The following GPC5 variants were observed in gnomAD, a reference collection of about 807,000 sequenced individuals.
GPC5 encodes glypican-5.
GPC5 carries 47 observed loss-of-function variants against 53.9 expected under a neutral mutation model. That is an observed-to-expected ratio of 0.87 (90% CI 0.69 to 1.11). The LOEUF (loss-of-function observed/expected upper bound fraction) is 1.11, where lower values mean the gene tolerates loss of function less well. Among genes scored for constraint, GPC5 ranks in the 50% most tolerant of loss-of-function variants. The pLI is 0.00. For missense variants in GPC5, 748 were observed against 713.1 expected (o/e 1.05, Z -0.56); for synonymous variants, 286 against 263.3 (o/e 1.09, Z -0.84).
intron 6 of GPC5, among the ~76,000 whole-genome samples, chr13:92,103,404 C>G (rs1420497245): frequency 1.3e-5 from 2 of 152,104 alleles, no homozygotes; most frequent in African/African-American, 4.8e-5. Context: ...TCCATAGAAG[C>G]ATATATACAT....
chr13:91,882,528 T>G (rs1019746227), intron 5 of GPC5, among the ~76,000 whole-genome samples: 2 of 151,912 alleles, frequency 1.3e-5, no homozygotes, highest in African/African-American at 2.4e-5. Context: ...AGTCTTTGAT[T>G]TTTACTTTAT....
chr13:91,602,731 C>T (rs1594316442), intron 2 of GPC5, among the ~76,000 whole-genome samples: 1 of 152,066 alleles, frequency 6.6e-6, no homozygotes, highest in East Asian at 1.9e-4. Context: ...GAGTGACTAT[C>T]GGGTATGTAA....
At chr13:92,195,600 AGC>A (rs2042251492) in intron 7 of GPC5, among the ~76,000 whole-genome samples, 1 of 152,182 alleles carries the variant, frequency 6.6e-6, no homozygotes, top group South Asian at 2.1e-4. Flanking sequence ...ATGGGTCAGT[AGC>A]CATGGTGAAG....
At chr13:92,801,186 C>T (rs1308003319) in intron 7 of GPC5, among the ~76,000 whole-genome samples, 1 of 151,282 alleles carries the variant, frequency 6.6e-6, no homozygotes, top group Admixed American at 6.6e-5. Context: ...CACATGTGTG[C>T]TTGTTTATAT....
intron 7 of GPC5, among the ~76,000 whole-genome samples, chr13:92,562,745 AT>A (rs1242893801): frequency 6.6e-6 from 1 of 152,054 alleles, no homozygotes; most frequent in Non-Finnish European, 1.5e-5. Context: ...ATAAAAGTGA[AT>A]AAAGTTATCA....
chr13:92,564,891 A>T (rs1264600662), intron 7 of GPC5, among the ~76,000 whole-genome samples: 1 of 152,118 alleles, frequency 6.6e-6, no homozygotes, highest in Non-Finnish European at 1.5e-5. Context: ...AAAAGATGTT[A>T]TTCTTTCTTT....
intron 7 of GPC5, among the ~76,000 whole-genome samples, chr13:92,269,400 TTTTTG>T (rs2042824530): frequency 6.6e-6 from 1 of 151,534 alleles, no homozygotes; most frequent in African/African-American, 2.4e-5. Context: ...CTATTCCTTT[TTTTTG>T]TTTTGTTTTG....
At chr13:92,826,959 CT>C (rs1310390381) in intron 7 of GPC5, among the ~76,000 whole-genome samples, 1 of 152,092 alleles carries the variant, frequency 6.6e-6, no homozygotes, top group Non-Finnish European at 1.5e-5. Context: ...TTTCAAGTAT[CT>C]TTTCCCTGTC....
At chr13:92,644,399 A>G (rs61975890) in intron 7 of GPC5, among the ~76,000 whole-genome samples, 4,385 of 152,290 alleles carry the variant, frequency 0.029, 98 homozygotes, top group Non-Finnish European at 0.046. Flanking sequence ...TAAACAAATT[A>G]GAGTATATTT....
chr13:92,755,264 A>T (rs1002912791), intron 7 of GPC5, among the ~76,000 whole-genome samples: 1 of 141,654 alleles, frequency 7.1e-6, no homozygotes, highest in African/African-American at 2.7e-5. Context: ...AGAAATAAAG[A>T]TGTTCTTTGA....
In GPC5 at chr13:92,385,780, T is replaced by TATATATACGTATATATAC. The variant is rs1351163884; in HGVS notation, c.1561+240793_1561+240794insATATACGTATATATACAT. 7.7e-4 allele frequency among the ~76,000 whole-genome samples: 21 copies of TATATATACGTATATATAC among 27,294 alleles called. 1 individual carries two copies. Among genetic ancestry groups the TATATATACGTATATATAC allele is most frequent in the Middle Eastern group, 0.027 (2 of 74 alleles). The allele number at this position is 27,294 out of a possible 152,430, so 17.9% of individuals were successfully genotyped here. On this transcript the variant is annotated intron_variant, in intron 7 of 7. Transcript: ENST00000377067. ...GTATATATATACGTATATATACATA[T>TATATATACGTATATATAC]ATGTATATATATACATATATACGTA...
chr13:92,145,042 A>T (rs2041857441), intron 7 of GPC5, 53 bp downstream of exon 7: 1 of 1,265,922 alleles, frequency 7.9e-7, no homozygotes, highest in Non-Finnish European at 1.0e-6. Flanking sequence ...TTGAAATATA[A>T]TTAAAGATAT....
At chr13:92,704,013 C>T (rs928882275) in intron 7 of GPC5, among the ~76,000 whole-genome samples, 3 of 151,924 alleles carry the variant, frequency 2.0e-5, no homozygotes, top group Non-Finnish European at 4.4e-5. Context: ...AAATTGTATT[C>T]TAATATTATC....
chr13:91,901,896 AAAC>A (rs780630058), intron 5 of GPC5, among the ~76,000 whole-genome samples: 11 of 152,002 alleles, frequency 7.2e-5, no homozygotes, highest in South Asian at 4.1e-4. Context: ...CAAACCAATC[AAAC>A]AACAACAAGA....
At chr13:91,900,000 T>C (rs1566331098) in intron 5 of GPC5, among the ~76,000 whole-genome samples, 1 of 152,150 alleles carries the variant, frequency 6.6e-6, no homozygotes, top group Non-Finnish European at 1.5e-5. Flanking sequence ...TATTATATCA[T>C]GTGTTGGTAG....
chr13:91,483,602 C>A (rs545141832), intron 2 of GPC5, among the ~76,000 whole-genome samples: 2 of 152,228 alleles, frequency 1.3e-5, no homozygotes, highest in Non-Finnish European at 2.9e-5. Context: ...TAAGCCTGCC[C>A]ACTGACATTT....
At chr13:91,499,822 A>G (rs1180354133) in intron 2 of GPC5, among the ~76,000 whole-genome samples, 17 of 152,194 alleles carry the variant, frequency 1.1e-4, no homozygotes, top group Admixed American at 1.1e-3. Context: ...AAACAGATAC[A>G]TGGAGCCACT....
chr13:92,708,906 A>T (rs1888040403), intron 7 of GPC5, among the ~76,000 whole-genome samples: 1 of 50,932 alleles, frequency 2.0e-5, no homozygotes, highest in Non-Finnish European at 4.1e-5. Flanking sequence ...TTTTTGAGGC[A>T]GAGTCTAGCT....
chr13:92,189,349 C>T (rs923837134), intron 7 of GPC5, among the ~76,000 whole-genome samples: 1 of 152,036 alleles, frequency 6.6e-6, no homozygotes, highest in Admixed American at 6.5e-5. Flanking sequence ...CTCTAGTCTC[C>T]CAAGTGGGGC....
Sources: allele counts gnomAD v4.1 joint callset (sites outside exome capture counted in the v4.1 genomes callset), GRCh38; gene constraint gnomAD v4.1.1; transcripts MANE v1.5; gene names NCBI Gene and HGNC (gene_info 2026-07-23, HGNC 2026-07-21).